Variants in FANCM observed in about 807,000 individuals in gnomAD.
The protein encoded by FANCM is Fanconi anemia group M protein.
Under a neutral mutation model 199.5 loss-of-function variants are expected in FANCM, and 140 were observed. The ratio of observed to expected loss-of-function variants is 0.70; its 90% confidence interval spans 0.61 to 0.81. FANCM has a LOEUF of 0.81. FANCM is among the 30% of genes least tolerant of loss of function. The pLI, the probability that FANCM is intolerant of heterozygous loss-of-function variation, is 0.00. For synonymous variants in FANCM, 840 were observed against 836.8 expected (o/e 1.00, Z -0.07); for missense variants, 2,410 against 2,421.4 (o/e 1.00, Z 0.10).
intron 14 of FANCM, 124 bp downstream of exon 14, chr14:45,177,100 TTGA>T: frequency 1.5e-6 from 1 of 646,452 alleles, no homozygotes; most frequent in Non-Finnish European, 2.7e-6. Flanking sequence ...AATTAGATAA[TTGA>T]TGTGTTATAT....
rs1424981111 is a variant in FANCM at position 45,176,008 on chromosome 14, TACATAA to T, written c.3261_3266del (p.Lys1087_His1088del). On this transcript the variant is annotated inframe_deletion, in exon 14 of 23. Coordinates refer to ENST00000267430, the MANE Select transcript of FANCM (RefSeq NM_020937.4). ...GAGCCAAGTCTCTGTGACTGTGATG[TACATAA>T]ACATAATCAAAATGAAAATTTAGTA... 1.2e-6 allele frequency: 2 copies of T among 1,613,716 alleles called. No individual in the cohort carries two copies. The highest frequency in any genetic ancestry group is 2.2e-5 in the East Asian group (1 of 44,852).
Position 45,164,532 on chromosome 14 carries a change from AGT to A in FANCM, c.1756_1757del (p.Val586TyrfsTer5). On this transcript the variant is annotated frameshift_variant, in exon 10 of 23. Coordinates refer to ENST00000267430, the MANE Select transcript of FANCM (RefSeq NM_020937.4). LOFTEE classifies it high-confidence loss of function. ...RTGRKRQGRI[V>X]IILSEGREER... ...CTGGCCGTAAACGTCAAGGCAGGAT[AGT>A]TATTATCCTTTCTGAAGGACGAGAG... 6.2e-7 allele frequency: 1 copy of A among 1,613,494 alleles called. No homozygotes were observed. The highest frequency in any genetic ancestry group is 1.1e-5 in the South Asian group (1 of 91,034).
chr14:45,150,693 A>G (rs1242260184), intron 4 of FANCM, among the ~76,000 whole-genome samples: 5 of 152,202 alleles, frequency 3.3e-5, no homozygotes, highest in Non-Finnish European at 4.4e-5. Context: ...TGTTCACCTT[A>G]TTTAATAATG....
Position 45,183,859 on chromosome 14 carries a change from C to T in FANCM, c.4472C>T (p.Ala1491Val), listed in dbSNP as rs2139278210. Residue 1491 changes from alanine to valine, a missense_variant, in exon 17 of 23, where the codon GCC becomes GTC. Transcript: ENST00000267430. Reference sequence around the variant, plus strand: ...GACTTCAAGGTTTGTAACGGGAATGCCAGAAGAGGCATCAAAGTCCCAAAG... The same window carrying T: ...GACTTCAAGGTTTGTAACGGGAATGTCAGAAGAGGCATCAAAGTCCCAAAG... ...LEDFKVCNGN[A>V]RRGIKVPKRQ... The T allele has an allele frequency of 1.2e-6, 2 of 1,611,258 alleles. No homozygotes were observed. Among genetic ancestry groups the T allele is most frequent in the East Asian group, 2.2e-5 (1 of 44,690 alleles).
At chr14:45,177,187 A>T (rs1387613100) in intron 14 of FANCM, among the ~76,000 whole-genome samples, 8 of 150,304 alleles carry the variant, frequency 5.3e-5, no homozygotes, top group Non-Finnish European at 1.0e-4. Context: ...GGAAAAAGTT[A>T]TTCTTGCTAG....
chr14:45,185,191 C>T (rs1423615635), intron 17 of FANCM, 26 bp from the exon 18 acceptor site: 5 of 1,467,776 alleles, frequency 3.4e-6, no homozygotes, highest in East Asian at 2.3e-5. Context: ...CTGATATCTT[C>T]ATGTTTTCTA....
intron 22 of FANCM, 85 bp from the exon 23 acceptor site, chr14:45,199,785 C>T: frequency 8.5e-7 from 1 of 1,177,470 alleles, no homozygotes; most frequent in Non-Finnish European, 1.3e-6. Flanking sequence ...TTAAAGGCTA[C>T]TGTGTTTGGT....
At chr14:45,137,377 G>C (rs1471109174) in intron 2 of FANCM, 136 bp downstream of exon 2, 6 of 696,184 alleles carry the variant, frequency 8.6e-6, no homozygotes, top group Non-Finnish European at 1.5e-5. Flanking sequence ...CAGAACAGAT[G>C]GTGATAAAGA....
At position 45,173,164 on chromosome 14, in the gene FANCM, A is replaced by G. The variant is rs1026175712; in HGVS notation, c.2270A>G (p.His757Arg). Reference sequence around the variant, plus strand: ...GTTGATCACTCAGATCGATGCCGCCATTTTATAGGCCTTATGCAAATGATA... The same window carrying G: ...GTTGATCACTCAGATCGATGCCGCCGTTTTATAGGCCTTATGCAAATGATA... Reference protein sequence around the residue: ...HQVDHSDRCRHFIGLMQMIEG... With the variant: ...HQVDHSDRCRRFIGLMQMIEG... Residue 757 changes from histidine (H) to arginine (R), a missense_variant, in exon 13 of 23, where the codon CAT (histidine) becomes CGT (arginine). His to Arg is a conservative substitution (Grantham distance 29). Transcript: ENST00000267430. 1.2e-6 allele frequency: 2 copies of G among 1,613,762 alleles called. No individual in the cohort carries two copies. The highest frequency in any genetic ancestry group is 2.7e-5 in the African/African-American group (2 of 74,922).
At position 45,196,193 on chromosome 14, in the gene FANCM, T is replaced by TCTAG. The variant is rs1324635932; in HGVS notation, c.5364_5367dup (p.Thr1790Ter). 3.1e-6 allele frequency: 5 copies of TCTAG among 1,614,012 alleles called. No individual in the cohort carries two copies. The African/African-American group carries it at 6.7e-5, about 22-fold the overall frequency. Reference sequence around the variant, plus strand: ...TCAGGATGGTAGTGCTTTGGAGGATTCTAGCACTTCAGGGGCATCCTGTTC... The same window carrying TCTAG: ...TCAGGATGGTAGTGCTTTGGAGGATTCTAGCTAGCACTTCAGGGGCATCCTGTTC... On this transcript the variant is annotated frameshift_variant, in exon 21 of 23. Transcript: ENST00000267430. LOFTEE classifies it high-confidence loss of function.
At chr14:45,146,498 G>T (rs182727715) in intron 3 of FANCM, among the ~76,000 whole-genome samples, 107 of 151,680 alleles carry the variant, frequency 7.1e-4, no homozygotes, top group African/African-American at 2.5e-3. Context: ...TTTTTGATGA[G>T]CTTAGAAATT....
In FANCM at chr14:45,198,992, C is replaced by T. The variant is rs1315877132; in HGVS notation, c.6008+57C>T. On this transcript the variant is annotated intron_variant, in intron 22 of 22. Coordinates refer to ENST00000267430, the MANE Select transcript of FANCM (RefSeq NM_020937.4). ...CTTTTAAAAGATTCGTAAAAGCATT[C>T]CATAGAAGTTTAATGTTAAAAAAAT... is the stretch of plus-strand genomic sequence containing the variant. 2.9e-6 allele frequency: 4 copies of T among 1,366,516 alleles called. No individual in the cohort carries two copies. The African/African-American group carries it at 5.8e-5, about 20-fold the overall frequency. 84.6% of individuals were successfully genotyped at this position (1,366,516 alleles called of 1,614,324 possible).
intron 4 of FANCM, among the ~76,000 whole-genome samples, chr14:45,150,020 A>G (rs911337003): frequency 7.9e-5 from 12 of 152,202 alleles, no homozygotes; most frequent in Non-Finnish European, 1.5e-5. Flanking sequence ...TTTCACTGGG[A>G]GAAATTTGTG....
chr14:45,145,483 G>T (rs1886296450), intron 3 of FANCM, among the ~76,000 whole-genome samples: 1 of 152,250 alleles, frequency 6.6e-6, no homozygotes, highest in East Asian at 1.9e-4. Context: ...AGTTCCACCT[G>T]GTTTTGCTTT....
intron 3 of FANCM, among the ~76,000 whole-genome samples, chr14:45,146,343 T>G (rs997858264): frequency 2.6e-5 from 4 of 152,036 alleles, no homozygotes; most frequent in Non-Finnish European, 2.9e-5. Context: ...TGATTTTTGG[T>G]TCTTATGAAG....
intron 3 of FANCM, among the ~76,000 whole-genome samples, chr14:45,147,455 A>AT (rs1268102180): frequency 5.3e-5 from 8 of 151,460 alleles, no homozygotes; most frequent in Admixed American, 1.3e-4. Context: ...AGCAATTGTC[A>AT]TTTTTTTTGT....
intron 13 of FANCM, among the ~76,000 whole-genome samples, chr14:45,173,936 C>G (rs1387219620): frequency 3.9e-5 from 6 of 152,150 alleles, no homozygotes. Context: ...ATCAAATTAA[C>G]ATATATTTAT....
chr14:45,151,881 T>G (rs1219720093), intron 5 of FANCM, among the ~76,000 whole-genome samples: 1 of 148,754 alleles, frequency 6.7e-6, no homozygotes. Flanking sequence ...AGCATTGCAT[T>G]CTAGCCTAGG....
rs1890202191 is a variant in FANCM at position 45,198,668 on chromosome 14, G to A, written c.5741G>A (p.Arg1914Lys). Residue 1914 changes from arginine (R) to lysine (K), a missense_variant, in exon 22 of 23, where the codon AGA (arginine) becomes AAA (lysine). Coordinates refer to ENST00000267430, the MANE Select transcript of FANCM (RefSeq NM_020937.4). ...GGAGACACATCAAGGATGTTTAGGA[G>A]AACAAAGAGCTATGACAGCCTGCTG... ...KTGDTSRMFR[R>K]TKSYDSLLTT... 2 of 1,612,598 alleles carry A rather than the reference G, an allele frequency of 1.2e-6. No individual in the cohort carries two copies. Among genetic ancestry groups the A allele is most frequent in the Non-Finnish European group, 1.7e-6 (2 of 1,178,862 alleles).
Sources: allele counts gnomAD v4.1 joint callset (sites outside exome capture counted in the v4.1 genomes callset), GRCh38; gene constraint gnomAD v4.1.1; transcripts MANE v1.5; gene names NCBI Gene and HGNC (gene_info 2026-07-23, HGNC 2026-07-21).